Variants in CFAP47 observed in about 807,000 individuals in gnomAD.
CFAP47 encodes the protein cilia- and flagella-associated protein 47.
A neutral mutation model predicts 148.1 loss-of-function variants in CFAP47; 29 were observed. The observed-to-expected ratio is 0.20, with a 90% confidence interval of 0.15 to 0.27. The LOEUF (loss-of-function observed/expected upper bound fraction) is 0.27, where lower values mean the gene tolerates loss of function less well. CFAP47 is among the 10% of genes least tolerant of loss of function. CFAP47 has a pLI of 1.00. For missense variants in CFAP47, 1,872 were observed against 1,697.5 expected (o/e 1.10, Z -1.81); for synonymous variants, 664 against 577.3 (o/e 1.15, Z -2.15).
intron 57 of CFAP47, among the ~76,000 whole-genome samples, chrX:36,342,788 T>C (rs1941664781): frequency 1.8e-5 from 2 of 111,720 alleles, no homozygotes; most frequent in African/African-American, 6.5e-5. Flanking sequence ...TGATATGTAA[T>C]TCATGGTGTT....
At chrX:36,281,724 A>T (rs1201990931) in intron 50 of CFAP47, among the ~76,000 whole-genome samples, 1 of 112,484 alleles carries the variant, frequency 8.9e-6, no homozygotes, top group Non-Finnish European at 1.9e-5. Flanking sequence ...ACTGGGCAGT[A>T]TAGCCCAGCA....
intron 15 of CFAP47, among the ~76,000 whole-genome samples, chrX:35,980,315 T>C (rs894121410): frequency 1.8e-5 from 2 of 112,075 alleles, no homozygotes; most frequent in African/African-American, 6.5e-5. Flanking sequence ...GGGAGAAAAT[T>C]CTTCTCAAGC....
intron 13 of CFAP47, among the ~76,000 whole-genome samples, chrX:35,974,431 T>A: frequency 9.0e-6 from 1 of 111,271 alleles, no homozygotes; most frequent in Middle Eastern, 4.6e-3. Flanking sequence ...AAGGTGGCCA[T>A]GAGGGAGATG....
intron 55 of CFAP47, among the ~76,000 whole-genome samples, chrX:36,308,687 A>T (rs1234242871): frequency 9.0e-6 from 1 of 111,256 alleles, no homozygotes; most frequent in African/African-American, 3.2e-5. Flanking sequence ...CTCTTGATTT[A>T]ACTGATTAAA....
chrX:36,246,559 C>T (rs1296278248), intron 48 of CFAP47, among the ~76,000 whole-genome samples: 1 of 111,277 alleles, frequency 9.0e-6, no homozygotes, highest in Non-Finnish European at 1.9e-5. Context: ...CTTGTAAAAC[C>T]ATAAGATCTC....
At chrX:36,172,901 A>G (rs1306305010) in intron 39 of CFAP47, among the ~76,000 whole-genome samples, 1 of 111,516 alleles carries the variant, frequency 9.0e-6, no homozygotes, top group Non-Finnish European at 1.9e-5. Flanking sequence ...TACCTCTGGT[A>G]GAATTCGGCT....
chrX:35,920,103 T>TG, intron 1 of CFAP47, 55 bp downstream of exon 1: 3 of 1,114,060 alleles, frequency 2.7e-6, no homozygotes, highest in Non-Finnish European at 3.6e-6. Flanking sequence ...CTCCTCACAC[T>TG]GCGTCTCTCT....
At chrX:35,940,859 G>C (rs369072174) in intron 2 of CFAP47, among the ~76,000 whole-genome samples, 12 of 111,531 alleles carry the variant, frequency 1.1e-4, no homozygotes, top group African/African-American at 3.9e-4. Context: ...AGGAACACAT[G>C]CTACAAATAT....
chrX:36,302,520 C>T (rs868983848), intron 53 of CFAP47, among the ~76,000 whole-genome samples: 3 of 111,200 alleles, frequency 2.7e-5, no homozygotes, highest in Non-Finnish European at 5.7e-5. Context: ...GATTTGCTAC[C>T]TAAATATTTT....
intron 42 of CFAP47, among the ~76,000 whole-genome samples, chrX:36,192,258 G>A (rs782551270): frequency 2.7e-5 from 3 of 111,080 alleles, no homozygotes; most frequent in Non-Finnish European, 5.6e-5. Flanking sequence ...CTGAAAATTC[G>A]TGCTATCAAA....
At chrX:36,350,725 C>G (rs1466781441) in intron 59 of CFAP47, among the ~76,000 whole-genome samples, 3 of 106,947 alleles carry the variant, frequency 2.8e-5, no homozygotes, top group Middle Eastern at 4.9e-3. Context: ...CCCTAGACTT[C>G]TCTAACGTTT....
At chrX:36,234,300 G>A (rs1555993502) in intron 46 of CFAP47, among the ~76,000 whole-genome samples, 1 of 110,897 alleles carries the variant, frequency 9.0e-6, no homozygotes, top group African/African-American at 3.3e-5. Context: ...ATTTCTTGGA[G>A]GCTTTGTTCA....
intron 26 of CFAP47, among the ~76,000 whole-genome samples, chrX:36,061,681 C>G (rs1193267381): frequency 8.9e-6 from 1 of 112,133 alleles, no homozygotes; most frequent in Non-Finnish European, 1.9e-5. Context: ...TATGGATAAA[C>G]CACATCAGAA....
intron 56 of CFAP47, among the ~76,000 whole-genome samples, chrX:36,315,833 T>C (rs1193120572): frequency 9.0e-6 from 1 of 111,540 alleles, no homozygotes; most frequent in African/African-American, 3.3e-5. Context: ...TCCTTTATAA[T>C]ACACCATTCA....
chrX:36,046,454 A>G (rs1343907666), intron 25 of CFAP47, among the ~76,000 whole-genome samples: 1 of 111,001 alleles, frequency 9.0e-6, no homozygotes, highest in Non-Finnish European at 1.9e-5. Flanking sequence ...ACCTACATGT[A>G]TATGCATCTG....
chrX:36,065,240 G>A (rs2146753253), intron 26 of CFAP47, among the ~76,000 whole-genome samples: 1 of 111,449 alleles, frequency 9.0e-6, no homozygotes, highest in Admixed American at 9.6e-5. Flanking sequence ...TATAAAATGG[G>A]CTGTTTCTGT....
intron 47 of CFAP47, 23 bp from the exon 48 acceptor site, chrX:36,236,663 G>A: frequency 3.8e-6 from 2 of 520,397 alleles, no homozygotes; most frequent in Non-Finnish European, 7.0e-6. Flanking sequence ...CTATAGACCT[G>A]AAATTTGTCT....
At position 36,126,149 on chromosome X, in the gene CFAP47, A is replaced by G. The variant is rs1938834097; in HGVS notation, c.5321-11809A>G. ...CATGTGCAGAACGTGCAGTTTTGTT[A>G]CATAGGTATACACGTGCCATGGTGG... On this transcript the variant is annotated intron_variant, in intron 33 of 63. Coordinates refer to ENST00000378653, the MANE Select transcript of CFAP47 (RefSeq NM_001304548.2). 2.7e-5 allele frequency among the ~76,000 whole-genome samples: 3 copies of G among 109,328 alleles called. No individual in the cohort carries two copies. The Admixed American group carries it at 3.0e-4, about 11-fold the overall frequency. 94.9% of individuals were successfully genotyped at this position (109,328 alleles called of 115,157 possible). A position where few individuals can be genotyped will look rare whatever the true frequency, so the allele number is the denominator to read the frequency against.
intron 57 of CFAP47, among the ~76,000 whole-genome samples, chrX:36,336,236 G>GACAC (rs1941604499): frequency 3.2e-5 from 1 of 31,238 alleles, no homozygotes; most frequent in Non-Finnish European, 6.2e-5. Flanking sequence ...CTCTGTCACA[G>GACAC]ACACACAGAC....
Sources: allele counts gnomAD v4.1 joint callset (sites outside exome capture counted in the v4.1 genomes callset), GRCh38; gene constraint gnomAD v4.1.1; transcripts MANE v1.5; gene names NCBI Gene and HGNC (gene_info 2026-07-23, HGNC 2026-07-21).